The following TMA16 variants were observed in gnomAD, a reference collection of about 807,000 sequenced individuals.
TMA16 encodes translation machinery-associated protein 16.
TMA16 carries 26 observed loss-of-function variants against 27.1 expected under a neutral mutation model. That is an observed-to-expected ratio of 0.96 (90% CI 0.70 to 1.33). The LOEUF (loss-of-function observed/expected upper bound fraction) is 1.33, where lower values mean the gene tolerates loss of function less well. Ranked by LOEUF, TMA16 falls within the 40% of genes most tolerant of loss-of-function variation. The pLI is 0.00. For missense variants in TMA16, 233 were observed against 241.4 expected, an observed-to-expected ratio of 0.97 and a Z score of 0.23; for synonymous variants, 71 against 81.9, an observed-to-expected ratio of 0.87 and a Z score of 0.72.
At chr4:163,509,856 T>C (rs1056162941) in intron 2 of TMA16, among the ~76,000 whole-genome samples, 3 of 152,180 alleles carry the variant, frequency 2.0e-5, no homozygotes, top group African/African-American at 7.2e-5. Context: ...CAAATAATTC[T>C]AGATAGCAAA....
chr4:163,512,891 T>A (rs1399330491), intron 3 of TMA16, 32 bp downstream of exon 3: 1 of 1,582,614 alleles, frequency 6.3e-7, no homozygotes, highest in Non-Finnish European at 8.7e-7. Context: ...AAACTCTGGC[T>A]AGAGTATAGG....
chr4:163,515,542 G>A, intron 5 of TMA16, 81 bp downstream of exon 5: 1 of 1,384,654 alleles, frequency 7.2e-7, no homozygotes, highest in South Asian at 1.8e-5. Flanking sequence ...TTTTATTTTA[G>A]ATCTTGTTTA....
chr4:163,507,411 T>C (rs1004228594), intron 2 of TMA16, among the ~76,000 whole-genome samples: 1 of 152,172 alleles, frequency 6.6e-6, no homozygotes, highest in African/African-American at 2.4e-5. Flanking sequence ...GAAGTTGTTT[T>C]ACGTGGGATA....
Position 163,508,948 on chromosome 4 carries a change from AC to A in TMA16, c.116+1804del, listed in dbSNP as rs543087422. 6.0e-4 allele frequency among the ~76,000 whole-genome samples: 92 copies of A among 152,330 alleles called. 1 individual carries two copies. Among genetic ancestry groups the A allele is most frequent in the Non-Finnish European group, 1.2e-3 (79 of 68,022 alleles). ...AAGAAAATTCTGTTTATTGGCCAAG[AC>A]TTTTATTTTAGTAATGCAGAGTAGA... On this transcript the variant is annotated intron_variant, in intron 2 of 6. Coordinates refer to ENST00000358572, the MANE Select transcript of TMA16 (RefSeq NM_018352.3).
At chr4:163,519,264 C>T in intron 6 of TMA16, 70 bp from the exon 7 acceptor site, 1 of 1,392,732 alleles carries the variant, frequency 7.2e-7, no homozygotes, top group Non-Finnish European at 9.4e-7. Flanking sequence ...CGAAAATTTA[C>T]TATCTCCTGT....
At chr4:163,498,821 A>T (rs895353118) in intron 1 of TMA16, among the ~76,000 whole-genome samples, 1 of 151,984 alleles carries the variant, frequency 6.6e-6, no homozygotes, top group Admixed American at 6.5e-5. Flanking sequence ...TCTCCTGGCT[A>T]ATTTTTTAGA....
chr4:163,494,887 T>C, intron 1 of TMA16, 83 bp downstream of exon 1: 1 of 1,587,862 alleles, frequency 6.3e-7, no homozygotes, highest in East Asian at 2.2e-5. Flanking sequence ...GAGGGTGCGG[T>C]TTCGGGAACC....
intron 1 of TMA16, among the ~76,000 whole-genome samples, chr4:163,500,559 G>C (rs953679487): frequency 1.3e-5 from 2 of 152,054 alleles, no homozygotes; most frequent in Non-Finnish European, 2.9e-5. Context: ...ATGTCTGTTG[G>C]GGTGGTCATG....
intron 1 of TMA16, among the ~76,000 whole-genome samples, chr4:163,505,363 C>G (rs1033123358): frequency 6.6e-6 from 1 of 152,094 alleles, no homozygotes; most frequent in Non-Finnish European, 1.5e-5. Flanking sequence ...CCAGTGATAC[C>G]TTAAGATTCA....
Position 163,519,435 on chromosome 4 carries a change from C to A in TMA16, c.533C>A (p.Thr178Asn). The change falls in exon 7 of 7, where the codon ACT (threonine) becomes AAT (asparagine). Residue 178 changes from threonine to asparagine, a missense_variant. Transcript: ENST00000358572. ...PKTCKRKTII[T>N]VDQDLGELEL... is the part of the protein sequence containing the mutation. ...ACGTGCAAGAGGAAAACTATTATAACTGTAGACCAAGATTTGGGGGAATTG... is the reference window on the plus strand; with the variant it reads ...ACGTGCAAGAGGAAAACTATTATAAATGTAGACCAAGATTTGGGGGAATTG... The A allele has an allele frequency of 6.2e-7, 1 of 1,605,924 alleles. No homozygotes were observed. The highest frequency in any genetic ancestry group is 8.5e-7 in the Non-Finnish European group (1 of 1,177,268).
intron 2 of TMA16, among the ~76,000 whole-genome samples, chr4:163,511,997 T>A (rs1737806635): frequency 6.6e-6 from 1 of 152,126 alleles, no homozygotes; most frequent in Admixed American, 6.5e-5. Flanking sequence ...TCTTTTACCA[T>A]TCCCGTAGTC....
intron 1 of TMA16, among the ~76,000 whole-genome samples, chr4:163,498,690 AG>A (rs1368139855): frequency 2.6e-5 from 4 of 152,194 alleles, no homozygotes; most frequent in African/African-American, 9.6e-5. Context: ...TTAGAGATGG[AG>A]TCTCACTCTG....
In TMA16 at chr4:163,511,520, G is replaced by A. The variant is rs559538510; in HGVS notation, c.117-1302G>A. Among the ~76,000 whole-genome samples, 19 of 152,116 alleles carry A rather than the reference G, an allele frequency of 1.2e-4. No individual in the cohort carries two copies. The East Asian group carries it at 3.7e-3, about 29-fold the overall frequency. ...CTGTAACTTAAAAATTTTATATAAA[G>A]AAGGTTTTGGCCTAGTATGGTGGCT... On this transcript the variant is annotated intron_variant, in intron 2 of 6. Transcript: ENST00000358572.
chr4:163,498,402 C>G (rs1260560785), intron 1 of TMA16, among the ~76,000 whole-genome samples: 1 of 151,482 alleles, frequency 6.6e-6, no homozygotes, highest in Admixed American at 6.6e-5. Flanking sequence ...ATTCTCCTGC[C>G]TCAGCCTCCC....
At chr4:163,500,040 C>T (rs1371129573) in intron 1 of TMA16, among the ~76,000 whole-genome samples, 3 of 152,122 alleles carry the variant, frequency 2.0e-5, no homozygotes, top group African/African-American at 7.2e-5. Flanking sequence ...GCTTTATGTT[C>T]AGCACTTGAA....
At chr4:163,494,945 G>T in intron 1 of TMA16, 141 bp downstream of exon 1, 1 of 1,274,286 alleles carries the variant, frequency 7.8e-7, no homozygotes. Flanking sequence ...AGTGTGCGGG[G>T]TGCGGGGCGA....
At chr4:163,495,853 A>G (rs1311697254) in intron 1 of TMA16, among the ~76,000 whole-genome samples, 3 of 152,148 alleles carry the variant, frequency 2.0e-5, no homozygotes, top group African/African-American at 7.2e-5. Flanking sequence ...TAGATTGTAC[A>G]CATTTGTGTA....
At position 163,514,085 on chromosome 4, in the gene TMA16, C is replaced by T; in HGVS notation, c.166C>T (p.Gln56Ter). Residue 56 changes from glutamine to a stop codon, truncating the protein, a stop_gained, in exon 4 of 7, where the codon CAA (glutamine) becomes TAA (stop). Coordinates refer to ENST00000358572, the MANE Select transcript of TMA16 (RefSeq NM_018352.3). LOFTEE classifies it high-confidence loss of function. ...CTTGTTGTTTATAGGTGAAAAACTGCAATGGTTTCAAAATCATCTTGATCC... is the reference window on the plus strand; with the variant it reads ...CTTGTTGTTTATAGGTGAAAAACTGTAATGGTTTCAAAATCATCTTGATCC... ...LRLNLVGEKL[Q>*]WFQNHLDPQK... is the part of the protein sequence containing the mutation. The T allele has an allele frequency of 6.2e-7, 1 of 1,607,358 alleles. No individual in the cohort carries two copies.
At chr4:163,501,593 G>T (rs953160724) in intron 1 of TMA16, among the ~76,000 whole-genome samples, 1 of 152,164 alleles carries the variant, frequency 6.6e-6, no homozygotes, top group African/African-American at 2.4e-5. Flanking sequence ...GATTTTAGAT[G>T]TTGTTTCGTT....
Sources: allele counts gnomAD v4.1 joint callset (sites outside exome capture counted in the v4.1 genomes callset), GRCh38; gene constraint gnomAD v4.1.1; transcripts MANE v1.5; gene names NCBI Gene and HGNC (gene_info 2026-07-23, HGNC 2026-07-21).